The following RAB31 variants were observed in gnomAD, a reference collection of about 807,000 sequenced individuals.
RAB31 encodes ras-related protein Rab-31.
RAB31 carries 21 observed loss-of-function variants against 25.6 expected under a neutral mutation model. That is an observed-to-expected ratio of 0.82 (90% CI 0.58 to 1.18). RAB31 has a LOEUF of 1.18. Ranked by LOEUF, RAB31 falls within the 50% of genes most tolerant of loss-of-function variation. The probability of loss-of-function intolerance (pLI) is 0.00; values close to 1 mark genes in which losing one functional copy is unlikely to be tolerated. For missense variants in RAB31, 196 were observed against 250.1 expected, an observed-to-expected ratio of 0.78 and a Z score of 1.46; for synonymous variants, 87 against 84.0, an observed-to-expected ratio of 1.04 and a Z score of -0.20.
At chr18:9,719,416 G>C (rs1352369844) in intron 1 of RAB31, among the ~76,000 whole-genome samples, 3 of 146,084 alleles carry the variant, frequency 2.1e-5, no homozygotes, top group East Asian at 4.1e-4. Flanking sequence ...GACTGTAGAG[G>C]TGAGGAATAC....
intron 3 of RAB31, among the ~76,000 whole-genome samples, chr18:9,802,048 A>T (rs1296531990): frequency 6.7e-6 from 1 of 148,960 alleles, no homozygotes; most frequent in African/African-American, 2.6e-5. Flanking sequence ...TTTTCTCCTT[A>T]TGCCAATACC....
intron 2 of RAB31, among the ~76,000 whole-genome samples, chr18:9,780,431 C>T (rs1242391758): frequency 2.0e-5 from 3 of 151,874 alleles, no homozygotes; most frequent in Non-Finnish European, 2.9e-5. Flanking sequence ...TTTTAAAAAC[C>T]CATAATCTAC....
intron 2 of RAB31, among the ~76,000 whole-genome samples, chr18:9,789,323 G>A (rs570329221): frequency 2.0e-5 from 3 of 152,276 alleles, no homozygotes; most frequent in South Asian, 4.1e-4. Flanking sequence ...TAGCACTGTA[G>A]GATGAATAAG....
chr18:9,803,240 CTTT>C (rs60889612), intron 3 of RAB31, among the ~76,000 whole-genome samples: 2 of 141,628 alleles, frequency 1.4e-5, no homozygotes, highest in African/African-American at 2.6e-5. Context: ...TTTTTCCTTT[CTTT>C]TTTTTTTTTT....
At chr18:9,710,917 C>CTTTT (rs148344186) in intron 1 of RAB31, among the ~76,000 whole-genome samples, 1 of 144,974 alleles carries the variant, frequency 6.9e-6, no homozygotes, top group Non-Finnish European at 1.5e-5. Flanking sequence ...TTGTGGCTTC[C>CTTTT]TTTTTTTTTT....
chr18:9,851,935 T>C (rs1288802679), intron 6 of RAB31, among the ~76,000 whole-genome samples: 1 of 151,344 alleles, frequency 6.6e-6, no homozygotes, highest in Non-Finnish European at 1.5e-5. Context: ...CATAATATAT[T>C]TCAATATCAT....
intron 1 of RAB31, among the ~76,000 whole-genome samples, 177 bp from the exon 2 acceptor site, chr18:9,775,101 T>C (rs1010131316): frequency 1.2e-4 from 19 of 152,206 alleles, no homozygotes; most frequent in African/African-American, 4.6e-4. Context: ...AGCAATACAA[T>C]TTTATTATAG....
intron 2 of RAB31, among the ~76,000 whole-genome samples, chr18:9,778,211 T>C (rs1338656424): frequency 1.3e-5 from 2 of 152,156 alleles, no homozygotes; most frequent in African/African-American, 4.8e-5. Flanking sequence ...CAAAGAAAGT[T>C]GCTGTGCCAG....
intron 3 of RAB31, among the ~76,000 whole-genome samples, chr18:9,794,818 A>C (rs1392703672): frequency 6.6e-6 from 1 of 152,010 alleles, no homozygotes; most frequent in Non-Finnish European, 1.5e-5. Context: ...CTGTCTCAAA[A>C]AAACAAAAAA....
intron 2 of RAB31, among the ~76,000 whole-genome samples, chr18:9,788,931 C>T (rs1751608020): frequency 6.6e-6 from 1 of 152,196 alleles, no homozygotes; most frequent in Non-Finnish European, 1.5e-5. Flanking sequence ...GACTGTGCCA[C>T]TGCACTCCAG....
rs117635010 is a variant in RAB31, at chr18:9,737,253, A to T, written c.39+28809A>T. Among the ~76,000 whole-genome samples, 402 of 152,264 alleles carry T rather than the reference A, an allele frequency of 2.6e-3. 14 individuals are homozygous for T. In the East Asian group the frequency reaches 0.072, roughly 27 times the overall value. Reference sequence around the variant, plus strand: ...TTTTGTCAGCATAGCTGGCGATTCCATCTGTTTTAATTTAAGATTCACCCC... The same window carrying T: ...TTTTGTCAGCATAGCTGGCGATTCCTTCTGTTTTAATTTAAGATTCACCCC... On this transcript the variant is annotated intron_variant, in intron 1 of 6. Transcript: ENST00000578921.
chr18:9,731,656 G>A (rs1323909473), intron 1 of RAB31, among the ~76,000 whole-genome samples: 1 of 145,732 alleles, frequency 6.9e-6, no homozygotes, highest in African/African-American at 2.6e-5. Flanking sequence ...GGAGTGCAGT[G>A]GTGTGATCTT....
At chr18:9,734,480 T>G (rs1052916428) in intron 1 of RAB31, among the ~76,000 whole-genome samples, 1 of 151,844 alleles carries the variant, frequency 6.6e-6, no homozygotes, top group Non-Finnish European at 1.5e-5. Context: ...AAGTTGTGAG[T>G]GAGCTAAGGG....
chr18:9,736,215 C>T (rs1300047621), intron 1 of RAB31, among the ~76,000 whole-genome samples: 2 of 152,166 alleles, frequency 1.3e-5, no homozygotes, highest in Non-Finnish European at 2.9e-5. Flanking sequence ...CTCAAGTGAT[C>T]CTCTCCCCTC....
intron 3 of RAB31, among the ~76,000 whole-genome samples, chr18:9,807,666 A>G (rs2068548847): frequency 6.6e-6 from 1 of 152,116 alleles, no homozygotes; most frequent in Non-Finnish European, 1.5e-5. Context: ...AGTTCATTAC[A>G]TTGTCTTTTA....
At chr18:9,751,590 T>A (rs6506696) in intron 1 of RAB31, among the ~76,000 whole-genome samples, 1 of 152,168 alleles carries the variant, frequency 6.6e-6, no homozygotes, top group South Asian at 2.1e-4. Context: ...GCATGTCCAC[T>A]TATTTCTAGG....
At chr18:9,803,916 C>T (rs939978412) in intron 3 of RAB31, among the ~76,000 whole-genome samples, 31 of 152,188 alleles carry the variant, frequency 2.0e-4, no homozygotes, top group Non-Finnish European at 7.3e-5. Context: ...TGCAGAACAG[C>T]CCTCCTGGGT....
At chr18:9,746,801 T>C (rs1408869928) in intron 1 of RAB31, among the ~76,000 whole-genome samples, 1 of 152,228 alleles carries the variant, frequency 6.6e-6, no homozygotes, top group Non-Finnish European at 1.5e-5. Context: ...ATATAGGAGC[T>C]AAGTCTGTAA....
chr18:9,853,239 G>T lies in RAB31; in HGVS notation c.491-5989G>T, dbSNP rs531623719. On this transcript the variant is annotated intron_variant, in intron 6 of 6. Coordinates refer to ENST00000578921, the MANE Select transcript of RAB31 (RefSeq NM_006868.4). ...GGTTTTTAATTATTGATGAAGTGTA[G>T]TTTGTCAGATTTTTTCCCTTTTGAT... is the stretch of plus-strand genomic sequence containing the variant. 4.6e-5 allele frequency among the ~76,000 whole-genome samples: 7 copies of T among 152,138 alleles called. No homozygotes were observed. In the South Asian group the frequency reaches 1.5e-3, roughly 32 times the overall value.
Sources: gnomAD v4.1 joint callset for allele counts (sites outside exome capture counted in the v4.1 genomes callset) on GRCh38, gnomAD v4.1.1 for gene constraint, MANE v1.5 for transcripts, NCBI Gene and HGNC (gene_info 2026-07-23, HGNC 2026-07-21) for gene names.